Variants in GRM8 observed in about 807,000 individuals in gnomAD.
The protein encoded by GRM8 is glutamate metabotropic receptor 8.
A neutral mutation model predicts 87.2 loss-of-function variants in GRM8; 47 were observed. That is an observed-to-expected ratio of 0.54 (90% CI 0.43 to 0.69). The LOEUF is 0.69. GRM8 is among the 30% of genes least tolerant of loss of function. The probability of loss-of-function intolerance (pLI) is 0.00; values close to 1 mark genes in which losing one functional copy is unlikely to be tolerated. For synonymous variants in GRM8, 396 were observed against 404.5 expected (o/e 0.98, Z 0.25); for missense variants, 1,019 against 1,139.2 (o/e 0.89, Z 1.52).
intron 9 of GRM8, among the ~76,000 whole-genome samples, chr7:126,465,504 C>A (rs1183050548): frequency 6.6e-6 from 1 of 151,590 alleles, no homozygotes; most frequent in Non-Finnish European, 1.5e-5. Context: ...CTCTTTAATT[C>A]GTTTCTCTAC....
intron 9 of GRM8, among the ~76,000 whole-genome samples, chr7:126,485,864 A>G (rs1807296522): frequency 1.3e-5 from 2 of 151,954 alleles, no homozygotes; most frequent in Non-Finnish European, 2.9e-5. Flanking sequence ...AACACAATTG[A>G]CCAGCATTAA....
chr7:127,085,783 T>G (rs1823403584), intron 3 of GRM8, among the ~76,000 whole-genome samples: 1 of 152,252 alleles, frequency 6.6e-6, no homozygotes, highest in Non-Finnish European at 1.5e-5. Flanking sequence ...TAGTTTCTTT[T>G]GCTGTGCAGA....
chr7:127,243,267 C>T lies in GRM8; in HGVS notation c.-63G>A, dbSNP rs970189407. Reference sequence around the variant, plus strand: ...TTTATTCTTGCCACAGAAGAAAGGGCACCACCTGAGGCTGCACCTTCTGGA... The same window carrying T: ...TTTATTCTTGCCACAGAAGAAAGGGTACCACCTGAGGCTGCACCTTCTGGA... On this transcript the variant is annotated 5_prime_UTR_variant, in exon 2 of 11. Transcript: ENST00000339582. The T allele has an allele frequency of 1.6e-5, 24 of 1,470,190 alleles. No homozygotes were observed. The highest frequency in any genetic ancestry group is 2.5e-5 in the South Asian group (2 of 79,038). The allele number at this position is 1,470,190 out of a possible 1,614,324, so 91.1% of individuals were successfully genotyped here.
At chr7:126,654,729 C>T (rs892361121) in intron 7 of GRM8, among the ~76,000 whole-genome samples, 2 of 152,160 alleles carry the variant, frequency 1.3e-5, no homozygotes, top group Non-Finnish European at 2.9e-5. Flanking sequence ...TCTGTGATCA[C>T]ACCATCTCCC....
intron 2 of GRM8, among the ~76,000 whole-genome samples, chr7:127,232,183 TTGTG>T (rs71529431): frequency 0.19 from 24,604 of 128,544 alleles, 2,742 homozygotes; most frequent in Non-Finnish European, 0.27. Context: ...TGTTTCTTCT[TTGTG>T]TGTGTGTGTG....
In GRM8 at chr7:126,474,604, C is replaced by T. The variant is rs1349230192; in HGVS notation, c.2431-28232G>A. On this transcript the variant is annotated intron_variant, in intron 9 of 10. Coordinates refer to ENST00000339582, the MANE Select transcript of GRM8 (RefSeq NM_000845.3). ...TCCTTAGCTGAAAACCTATGTTCAT[C>T]CTGAAAAGACTTTAAAGAGTCCTAG... Among the ~76,000 whole-genome samples the T allele has an allele frequency of 2.6e-5, 4 of 152,212 alleles. No homozygotes were observed. The East Asian group carries it at 7.8e-4, about 29-fold the overall frequency.
At chr7:127,071,489 A>G (rs1360068951) in intron 3 of GRM8, among the ~76,000 whole-genome samples, 1 of 152,194 alleles carries the variant, frequency 6.6e-6, no homozygotes, top group Admixed American at 6.5e-5. Flanking sequence ...GTGAACAGAC[A>G]TTAATGTAAG....
chr7:126,837,512 G>A (rs1404034751), intron 6 of GRM8, among the ~76,000 whole-genome samples: 2 of 152,198 alleles, frequency 1.3e-5, no homozygotes, highest in African/African-American at 4.8e-5. Flanking sequence ...TGGACTTACT[G>A]TCTAAGTTAT....
chr7:127,125,967 C>CA (rs1452161566), intron 2 of GRM8, among the ~76,000 whole-genome samples: 2 of 151,394 alleles, frequency 1.3e-5, no homozygotes, highest in Non-Finnish European at 2.9e-5. Context: ...ATTAAAAAGT[C>CA]AAAAAACAAC....
In GRM8 at chr7:126,880,215, C is replaced by A. The variant is rs1469439517; in HGVS notation, c.1156+22327G>T. Among the ~76,000 whole-genome samples, 5 of 152,122 alleles carry A rather than the reference C, an allele frequency of 3.3e-5. No individual in the cohort carries two copies. The East Asian group carries it at 7.7e-4, about 23-fold the overall frequency. On this transcript the variant is annotated intron_variant, in intron 6 of 10. Transcript: ENST00000339582. ...AGCTCAATATAATCAGCTCATGTGC[C>A]TCCACACCAAAAGAGAACATTTTCA...
At chr7:127,144,041 T>C (rs981017003) in intron 2 of GRM8, among the ~76,000 whole-genome samples, 1 of 152,148 alleles carries the variant, frequency 6.6e-6, no homozygotes, top group Non-Finnish European at 1.5e-5. Flanking sequence ...GCTTATTTGC[T>C]ATGTGGCCTT....
chr7:127,133,939 T>A (rs1827824880), intron 2 of GRM8, among the ~76,000 whole-genome samples: 1 of 152,148 alleles, frequency 6.6e-6, no homozygotes, highest in South Asian at 2.1e-4. Flanking sequence ...ATGCACTCAT[T>A]AAGCACATGA....
intron 3 of GRM8, among the ~76,000 whole-genome samples, chr7:126,977,828 G>A (rs577607737): frequency 8.5e-5 from 13 of 152,302 alleles, no homozygotes; most frequent in African/African-American, 2.9e-4. Flanking sequence ...AGAAGGGAGA[G>A]TGGCCATGTG....
intron 8 of GRM8, among the ~76,000 whole-genome samples, chr7:126,552,104 C>T (rs1239383947): frequency 6.6e-6 from 1 of 152,138 alleles, no homozygotes; most frequent in Non-Finnish European, 1.5e-5. Flanking sequence ...TGTCAACACA[C>T]TACTATTTCT....
intron 6 of GRM8, among the ~76,000 whole-genome samples, chr7:126,867,903 A>G (rs1355878694): frequency 3.9e-5 from 6 of 152,254 alleles, no homozygotes; most frequent in Admixed American, 3.9e-4. Flanking sequence ...CCTCAATATT[A>G]GTAACAGCTT....
At chr7:126,587,054 C>T (rs1490627281) in intron 8 of GRM8, among the ~76,000 whole-genome samples, 1 of 152,190 alleles carries the variant, frequency 6.6e-6, no homozygotes, top group African/African-American at 2.4e-5. Context: ...CACATTTATG[C>T]AGCCCACAGA....
chr7:127,007,097 TC>T (rs1333068714), intron 3 of GRM8, among the ~76,000 whole-genome samples: 1 of 151,890 alleles, frequency 6.6e-6, no homozygotes, highest in Non-Finnish European at 1.5e-5. Flanking sequence ...TTCCAATTCC[TC>T]CCCCTAGCAA....
At chr7:126,827,972 T>A (rs1304810821) in intron 6 of GRM8, among the ~76,000 whole-genome samples, 1 of 152,254 alleles carries the variant, frequency 6.6e-6, no homozygotes. Flanking sequence ...GAGATAATCA[T>A]GTGGTTTTTG....
intron 9 of GRM8, among the ~76,000 whole-genome samples, chr7:126,499,413 C>CAA (rs201518620): frequency 1.8e-3 from 240 of 134,296 alleles, no homozygotes; most frequent in Non-Finnish European, 2.3e-3. Flanking sequence ...GAGGTTCCTC[C>CAA]AAAAAAAAAA....
Sources: gnomAD v4.1 joint callset for allele counts (sites outside exome capture counted in the v4.1 genomes callset) on GRCh38, gnomAD v4.1.1 for gene constraint, MANE v1.5 for transcripts, NCBI Gene and HGNC (gene_info 2026-07-23, HGNC 2026-07-21) for gene names.